Variants in NOX4 observed in about 807,000 individuals in gnomAD.
NOX4 encodes the protein kidney oxidase-1.
In NOX4, 69 loss-of-function variants were observed where a neutral mutation model predicts 87.6. The ratio of observed to expected loss-of-function variants is 0.79; its 90% confidence interval spans 0.65 to 0.96. NOX4 has a LOEUF of 0.96. Among genes scored for constraint, NOX4 ranks in the 40% least tolerant of loss-of-function variants. The probability of loss-of-function intolerance (pLI) is 0.00; values close to 1 mark genes in which losing one functional copy is unlikely to be tolerated. For synonymous variants in NOX4, 275 were observed against 238.2 expected (o/e 1.15, Z -1.42); for missense variants, 680 against 681.5 (o/e 1.00, Z 0.02).
At chr11:89,549,912 G>C in the NOX4 span, among the ~76,000 whole-genome samples, 1 of 152,186 alleles carries the variant, frequency 6.6e-6, no homozygotes, top group Non-Finnish European at 1.5e-5. Flanking sequence ...TGGGCATTTG[G>C]ATTCATTCCA....
At chr11:89,467,747 G>C (rs1173036660) in intron 2 of NOX4, among the ~76,000 whole-genome samples, 1 of 152,148 alleles carries the variant, frequency 6.6e-6, no homozygotes. Flanking sequence ...ATGAATTTTG[G>C]GGGGACACAA....
the NOX4 span, among the ~76,000 whole-genome samples, chr11:89,503,919 A>G: frequency 1.3e-5 from 2 of 148,886 alleles, no homozygotes; most frequent in Non-Finnish European, 1.5e-5. Flanking sequence ...CTATCCTTCT[A>G]TCCTTCTGGA....
chr11:89,474,634 C>T (rs1946090233), intron 2 of NOX4, among the ~76,000 whole-genome samples: 1 of 151,792 alleles, frequency 6.6e-6, no homozygotes, highest in African/African-American at 2.4e-5. Context: ...GAATAATATG[C>T]ACATGTATAT....
intron 12 of NOX4, among the ~76,000 whole-genome samples, chr11:89,369,737 T>C (rs1434357482): frequency 3.1e-5 from 2 of 64,314 alleles, no homozygotes; most frequent in African/African-American, 8.8e-5. Context: ...ATATGATTTA[T>C]TTATTTATTT....
At chr11:89,466,769 A>G (rs902115200) in intron 2 of NOX4, among the ~76,000 whole-genome samples, 4 of 152,200 alleles carry the variant, frequency 2.6e-5, no homozygotes, top group African/African-American at 7.2e-5. Flanking sequence ...ATGTAACAGG[A>G]AATCAGATCT....
At chr11:89,437,919 C>T (rs1003545322) in intron 6 of NOX4, among the ~76,000 whole-genome samples, 4 of 152,042 alleles carry the variant, frequency 2.6e-5, no homozygotes, top group Admixed American at 1.3e-4. Context: ...ACAATAAATA[C>T]CTAATACAAA....
At chr11:89,499,459 G>C (rs1946994962), upstream of NOX4, among the ~76,000 whole-genome samples, 1 of 152,104 alleles carries the variant, frequency 6.6e-6, no homozygotes, top group Non-Finnish European at 1.5e-5. Context: ...TTTTAGGTTA[G>C]AACTTGTTAC....
intron 8 of NOX4, among the ~76,000 whole-genome samples, chr11:89,412,617 A>G (rs962728202): frequency 6.6e-6 from 1 of 152,128 alleles, no homozygotes; most frequent in African/African-American, 2.4e-5. Flanking sequence ...ATGCATGATA[A>G]TGGAAATACA....
At chr11:89,569,655 A>C in the NOX4 span, among the ~76,000 whole-genome samples, 15 of 152,330 alleles carry the variant, frequency 9.8e-5, no homozygotes, top group South Asian at 2.9e-3. Flanking sequence ...AAAGAACTTA[A>C]AATGGAATTA....
intron 11 of NOX4, among the ~76,000 whole-genome samples, chr11:89,394,507 T>A (rs1192675711): frequency 6.6e-6 from 1 of 152,068 alleles, no homozygotes; most frequent in African/African-American, 2.4e-5. Context: ...AAGTAATTTT[T>A]TTATTATTAT....
chr11:89,481,277 A>C (rs1332864170), intron 2 of NOX4, among the ~76,000 whole-genome samples: 4 of 151,848 alleles, frequency 2.6e-5, no homozygotes, highest in African/African-American at 9.7e-5. Context: ...GTGTGTGTAT[A>C]TATATATACA....
intron 7 of NOX4, among the ~76,000 whole-genome samples, chr11:89,430,450 A>C (rs1456224624): frequency 6.6e-6 from 1 of 152,202 alleles, no homozygotes; most frequent in East Asian, 1.9e-4. Flanking sequence ...TACATTTAGA[A>C]AACCCTATCA....
At position 89,388,796 on chromosome 11, in the gene NOX4, A is replaced by T. The variant is rs552059607; in HGVS notation, c.1074+11221T>A. ...CTGAAGAACGAGGCAAAAAATCTTA[A>T]TTTAATCCATGTCTTTGGTCCCTTA... On this transcript the variant is annotated intron_variant, in intron 11 of 17. Coordinates refer to ENST00000263317, the MANE Select transcript of NOX4 (RefSeq NM_016931.5). Among the ~76,000 whole-genome samples the T allele has an allele frequency of 2.0e-4, 30 of 152,254 alleles. No homozygotes were observed. The East Asian group carries it at 5.2e-3, about 27-fold the overall frequency.
chr11:89,550,671 C>A, the NOX4 span, among the ~76,000 whole-genome samples: 1 of 151,984 alleles, frequency 6.6e-6, no homozygotes, highest in African/African-American at 2.4e-5. Context: ...TGTTTAAGTT[C>A]TTTGTAGACT....
At chr11:89,589,273 G>C in the NOX4 span, among the ~76,000 whole-genome samples, 2 of 152,052 alleles carry the variant, frequency 1.3e-5, no homozygotes, top group Admixed American at 6.6e-5. Flanking sequence ...CAGCTTACTT[G>C]GATGTTGATT....
In NOX4 at chr11:89,451,882, A is replaced by G. The variant is rs994507891; in HGVS notation, c.167T>C (p.Leu56Pro). 3 of 1,611,958 alleles carry G rather than the reference A, an allele frequency of 1.9e-6. No homozygotes were observed. Among genetic ancestry groups the G allele is most frequent in the Non-Finnish European group, 8.5e-7 (1 of 1,178,376 alleles). Residue 56 changes from leucine (L) to proline (P), a missense_variant, in exon 3 of 18, where the codon CTA becomes CCA. Coordinates refer to ENST00000263317, the MANE Select transcript of NOX4 (RefSeq NM_016931.5). Reference protein sequence around the residue: ...LHQMLGLGLCLSRASASVLNL... With the variant: ...LHQMLGLGLCPSRASASVLNL... ...AAGAACAGATGCTGAGGCTCTGCTT[A>G]GACACAATCCTAGCTGAACAAATAA...
chr11:89,447,536 A>G (rs891338307), intron 4 of NOX4, among the ~76,000 whole-genome samples: 6 of 152,176 alleles, frequency 3.9e-5, no homozygotes, highest in African/African-American at 1.4e-4. Context: ...AATGTGGTAG[A>G]TAGAGTCATC....
At chr11:89,473,318 C>T (rs1188502371) in intron 2 of NOX4, among the ~76,000 whole-genome samples, 2 of 152,092 alleles carry the variant, frequency 1.3e-5, no homozygotes, top group Admixed American at 6.6e-5. Context: ...AATTACTGAG[C>T]GTTTAGTTAC....
intron 12 of NOX4, among the ~76,000 whole-genome samples, chr11:89,371,224 G>A (rs1939421268): frequency 6.6e-6 from 1 of 151,992 alleles, no homozygotes; most frequent in East Asian, 1.9e-4. Flanking sequence ...TGACTATTTA[G>A]GTGTTCTCTG....
Sources: allele counts gnomAD v4.1 joint callset (sites outside exome capture counted in the v4.1 genomes callset), GRCh38; gene constraint gnomAD v4.1.1; transcripts MANE v1.5; gene names NCBI Gene and HGNC (gene_info 2026-07-23, HGNC 2026-07-21).